Variants in CBX7 observed in about 807,000 individuals in gnomAD.
CBX7 encodes the protein chromobox protein homolog 7.
CBX7 carries 14 observed loss-of-function variants against 31.4 expected under a neutral mutation model. That is an observed-to-expected ratio of 0.45 (90% CI 0.29 to 0.70). The LOEUF is 0.70. Among genes scored for constraint, CBX7 ranks in the 30% least tolerant of loss-of-function variants. CBX7 has a pLI of 0.11. For missense variants in CBX7, 269 were observed against 351.9 expected (o/e 0.76, Z 1.89); for synonymous variants, 159 against 152.6 (o/e 1.04, Z -0.31).
chr22:39,145,736 C>T (rs999643458), intron 2 of CBX7, among the ~76,000 whole-genome samples: 136 of 145,390 alleles, frequency 9.4e-4, no homozygotes, highest in African/African-American at 3.4e-3. Context: ...GGGGCGGGGG[C>T]GGGGACAGGG....
At chr22:39,145,977 G>A (rs1429922545) in intron 2 of CBX7, among the ~76,000 whole-genome samples, 1 of 152,136 alleles carries the variant, frequency 6.6e-6, no homozygotes, top group Non-Finnish European at 1.5e-5. Flanking sequence ...TGTGACGCAG[G>A]CGGCCTTGGG....
intron 2 of CBX7, among the ~76,000 whole-genome samples, chr22:39,145,504 A>G (rs949681558): frequency 7.9e-5 from 12 of 152,096 alleles, no homozygotes; most frequent in Non-Finnish European, 1.3e-4. Flanking sequence ...GAGAGTGGAA[A>G]GGAGCCAGGG....
intron 4 of CBX7, 35 bp from the exon 5 acceptor site, chr22:39,134,787 C>T: frequency 8.7e-7 from 1 of 1,146,308 alleles, no homozygotes; most frequent in Non-Finnish European, 1.2e-6. Flanking sequence ...CGGGTCAGCC[C>T]CACCCTCCCA....
intron 2 of CBX7, among the ~76,000 whole-genome samples, chr22:39,145,548 G>T (rs1930617878): frequency 6.6e-6 from 1 of 152,052 alleles, no homozygotes; most frequent in Non-Finnish European, 1.5e-5. Context: ...GGGCTGCGCG[G>T]ACCGCGGCGT....
chr22:39,134,466 G>A lies in CBX7; in HGVS notation c.533C>T (p.Pro178Leu), dbSNP rs200999757. ...HRRELFLQEP[P>L]APDVLQAAGE... ...AGCCGCCTGCAGGACGTCTGGGGCC[G>A]GTGGCTCCTGCAGGAAGAGCTCCCG... The change falls in exon 5 of 6, where the codon CCG (proline) becomes CTG (leucine). Residue 178 changes from proline (P) to leucine (L), a missense_variant. This residue lies in a region of CBX7 where 222 missense variants were observed against 240.4 expected (regional missense o/e 0.92). Transcript: ENST00000216133. 1.7e-5 allele frequency: 27 copies of A among 1,608,414 alleles called. No homozygotes were observed. The highest frequency in any genetic ancestry group is 2.2e-5 in the East Asian group (1 of 44,884).
chr22:39,145,393 G>C (rs79092618), intron 2 of CBX7, among the ~76,000 whole-genome samples: 1 of 152,152 alleles, frequency 6.6e-6, no homozygotes, highest in Non-Finnish European at 1.5e-5. Flanking sequence ...GGGCGCCGCG[G>C]ATCGAAGGGA....
intron 3 of CBX7, among the ~76,000 whole-genome samples, chr22:39,140,143 A>G: frequency 6.6e-6 from 1 of 152,142 alleles, no homozygotes; most frequent in East Asian, 1.9e-4. Flanking sequence ...GCCTCGTGTG[A>G]CCTTGGGCCA....
At chr22:39,149,469 C>T (rs1167435124) in intron 2 of CBX7, 1 of 462,540 alleles carries the variant, frequency 2.2e-6, no homozygotes, top group African/African-American at 2.0e-5. Flanking sequence ...TCTCCAGTAG[C>T]CCGGATGCTG....
intron 5 of CBX7, 96 bp downstream of exon 5, chr22:39,134,305 G>A: frequency 1.8e-6 from 2 of 1,100,014 alleles, no homozygotes; most frequent in Non-Finnish European, 2.5e-6. Context: ...GCCCCACAAA[G>A]CACTACAGGC....
chr22:39,138,734 G>A (rs770587167), intron 3 of CBX7, 32 bp from the exon 4 acceptor site: 1 of 1,602,590 alleles, frequency 6.2e-7, no homozygotes, highest in Non-Finnish European at 8.5e-7. Context: ...AGAAGAAAAG[G>A]AAACACTGGT....
chr22:39,138,235 T>C (rs2146356012), intron 4 of CBX7, among the ~76,000 whole-genome samples: 1 of 151,484 alleles, frequency 6.6e-6, no homozygotes, highest in East Asian at 1.9e-4. Flanking sequence ...AACTCCAGCC[T>C]CTCATGTTTC....
intron 3 of CBX7, among the ~76,000 whole-genome samples, chr22:39,140,494 G>GTT (rs1028035301): frequency 6.6e-6 from 1 of 152,250 alleles, no homozygotes; most frequent in African/African-American, 2.4e-5. Flanking sequence ...GAAGGAGCCA[G>GTT]AAGAACCCAG....
At chr22:39,145,669 G>GCGCA (rs935430758) in intron 2 of CBX7, among the ~76,000 whole-genome samples, 4 of 150,138 alleles carry the variant, frequency 2.7e-5, no homozygotes, top group Admixed American at 1.3e-4. Flanking sequence ...CGCCGGCCGC[G>GCGCA]CGCACGCACG....
chr22:39,133,797 T>C lies in CBX7; in HGVS notation c.*94A>G. 8.2e-7 allele frequency: 1 copy of C among 1,216,438 alleles called. No homozygotes were observed. Among genetic ancestry groups the C allele is most frequent in the Non-Finnish European group, 1.1e-6 (1 of 904,292 alleles). The allele number at this position is 1,216,438 out of a possible 1,614,324, so 75.4% of individuals were successfully genotyped here. On this transcript the variant is annotated 3_prime_UTR_variant, in exon 6 of 6. Coordinates refer to ENST00000216133, the MANE Select transcript of CBX7 (RefSeq NM_175709.5). ...TTTTGCTGCTCGGTATTTTTTTAAA[T>C]AAAATAATTACCCCGCCCCCAACCC...
intron 1 of CBX7, among the ~76,000 whole-genome samples, chr22:39,151,014 G>A (rs1930830195): frequency 6.6e-6 from 1 of 152,170 alleles, no homozygotes; most frequent in Non-Finnish European, 1.5e-5. Context: ...CTGAGGGAAG[G>A]GGTGGATCCC....
chr22:39,148,317 G>A (rs1930732426), intron 2 of CBX7: 1 of 152,284 alleles, frequency 6.6e-6, no homozygotes, highest in African/African-American at 2.4e-5. Context: ...ATCAATCAAA[G>A]TGGGGGAAGG....
chr22:39,134,715 G>T lies in CBX7; in HGVS notation c.284C>A (p.Ala95Asp). 1 of 1,569,276 alleles carries T rather than the reference G, an allele frequency of 6.4e-7. No homozygotes were observed. The highest frequency in any genetic ancestry group is 2.4e-5 in the East Asian group (1 of 42,498). ...YSMDLRSSHKAKGKEKLCFSL... is the reference protein window; with the variant it reads ...YSMDLRSSHKDKGKEKLCFSL... ...GAAGCAGAGCTTCTCCTTGCCCTTG[G>T]CCTTGTGGGAGCTCCGCAGGTCCAT... is the stretch of plus-strand genomic sequence containing the variant. Residue 95 changes from alanine (A) to aspartate (D), a missense_variant, in exon 5 of 6, where the codon GCC (alanine) becomes GAC (aspartate). Physicochemically the swap from Ala to Asp is moderately radical, Grantham distance 126 (BLOSUM62 -2). Around this residue, in one of 2 missense-constraint regions of CBX7, gnomAD observed 222 missense variants for 240.4 expected, o/e 0.92. Transcript: ENST00000216133.
chr22:39,149,176 G>A (rs1930766136), intron 2 of CBX7: 1 of 152,398 alleles, frequency 6.6e-6, no homozygotes, highest in African/African-American at 2.4e-5. Context: ...AGGCACAGAG[G>A]AGACACCTGA....
In CBX7 at chr22:39,134,290, G is replaced by A. The variant is rs909495927; in HGVS notation, c.598+111C>T. 18 of 1,003,012 alleles carry A rather than the reference G, an allele frequency of 1.8e-5. 1 individual carries two copies. Among genetic ancestry groups the A allele is most frequent in the South Asian group, 1.2e-4 (7 of 59,202 alleles). 62.1% of individuals were successfully genotyped at this position (1,003,012 alleles called of 1,614,324 possible). A position where few individuals can be genotyped will look rare whatever the true frequency, so the allele number is the denominator to read the frequency against. On this transcript the variant is annotated intron_variant, in intron 5 of 5. Coordinates refer to ENST00000216133, the MANE Select transcript of CBX7 (RefSeq NM_175709.5). Reference sequence around the variant, plus strand: ...AGTGTTGGGCCCTGAGCCCAGACCCGACTGGCCCCACAAAGCACTACAGGC... The same window carrying A: ...AGTGTTGGGCCCTGAGCCCAGACCCAACTGGCCCCACAAAGCACTACAGGC...
Sources: gnomAD v4.1 joint callset for allele counts (sites outside exome capture counted in the v4.1 genomes callset) on GRCh38, gnomAD v4.1.1 for gene constraint, gnomAD v4.1.1 regional missense constraint, MANE v1.5 for transcripts, NCBI Gene and HGNC (gene_info 2026-07-23, HGNC 2026-07-21) for gene names.